Variants in SLC1A1 observed in about 807,000 individuals in gnomAD.
The protein encoded by SLC1A1 is solute carrier family 1 member 1.
In SLC1A1, 43 loss-of-function variants were observed where a neutral mutation model predicts 53.3. The observed-to-expected ratio is 0.81, with a 90% confidence interval of 0.63 to 1.04. The LOEUF (loss-of-function observed/expected upper bound fraction) is 1.04, where lower values mean the gene tolerates loss of function less well. SLC1A1 is among the 50% of genes least tolerant of loss of function. The pLI, the probability that SLC1A1 is intolerant of heterozygous loss-of-function variation, is 0.00. For missense variants in SLC1A1, 748 were observed against 664.9 expected (o/e 1.12, Z -1.37); for synonymous variants, 307 against 243.2 (o/e 1.26, Z -2.44).
At chr9:4,567,865 A>G (rs1819636152) in intron 6 of SLC1A1, 98 bp downstream of exon 6, 1 of 841,180 alleles carries the variant, frequency 1.2e-6, no homozygotes, top group Non-Finnish European at 2.0e-6. Flanking sequence ...ACAGAATCGC[A>G]TTTGCAAATT....
rs1311812459 is a variant in SLC1A1, at chr9:4,576,037, A to G, written c.912A>G (p.Ile304Met). The G allele has an allele frequency of 1.9e-6, 3 of 1,613,808 alleles. No homozygotes were observed. The highest frequency in any genetic ancestry group is 1.3e-5 in the African/African-American group (1 of 74,926). The change falls in exon 9 of 12, where the codon ATA (isoleucine) becomes ATG (methionine). Residue 304 changes from isoleucine (I) to methionine (M), a missense_variant. Transcript: ENST00000262352. ...AIHSIVILPL[I>M]YFIVVRKNPF... Reference sequence around the variant, plus strand: ...ACTCCATTGTAATTCTCCCGCTGATATATTTCATAGTCGTACGAAAGAACC... The same window carrying G: ...ACTCCATTGTAATTCTCCCGCTGATGTATTTCATAGTCGTACGAAAGAACC...
At chr9:4,562,988 G>A (rs1004674521) in intron 3 of SLC1A1, among the ~76,000 whole-genome samples, 1 of 149,580 alleles carries the variant, frequency 6.7e-6, no homozygotes, top group African/African-American at 2.5e-5. Context: ...GGAGGGGAGA[G>A]GGATAGCATT....
intron 1 of SLC1A1, among the ~76,000 whole-genome samples, chr9:4,502,775 T>C (rs926057861): frequency 2.0e-5 from 3 of 151,834 alleles, no homozygotes; most frequent in Non-Finnish European, 4.4e-5. Context: ...GTTAGAACCA[T>C]ACTTGGAGAC....
At chr9:4,554,094 C>G (rs573428517) in intron 2 of SLC1A1, 2 of 152,318 alleles carry the variant, frequency 1.3e-5, no homozygotes, top group Admixed American at 6.5e-5. Context: ...TAGGTGGGAC[C>G]TTAACTCCAT....
At position 4,561,601 on chromosome 9, in the gene SLC1A1, G is replaced by C. The variant is rs1586797807; in HGVS notation, c.325+60G>C. 2.9e-6 allele frequency: 3 copies of C among 1,050,382 alleles called. No homozygotes were observed. In the East Asian group the frequency reaches 7.1e-5, roughly 25 times the overall value. 65.1% of individuals were successfully genotyped at this position (1,050,382 alleles called of 1,614,324 possible). On this transcript the variant is annotated intron_variant, in intron 3 of 11. Transcript: ENST00000262352. ...TAATGGTGATTTTTTCATTCGAAAA[G>C]TAGTTGGTGGCCAGATGCGGTGGCT...
intron 2 of SLC1A1, among the ~76,000 whole-genome samples, chr9:4,546,447 C>T (rs957773115): frequency 2.0e-5 from 3 of 151,870 alleles, no homozygotes; most frequent in African/African-American, 7.3e-5. Context: ...AAATGAAGAT[C>T]TGGGAACACT....
chr9:4,554,615 TC>T (rs1206865716), intron 2 of SLC1A1, among the ~76,000 whole-genome samples: 1 of 152,084 alleles, frequency 6.6e-6, no homozygotes, highest in East Asian at 1.9e-4. Context: ...CTTGGTCTGT[TC>T]CAGAAGAGGC....
chr9:4,523,772 T>A (rs1816165488), intron 1 of SLC1A1, among the ~76,000 whole-genome samples: 1 of 152,232 alleles, frequency 6.6e-6, no homozygotes. Flanking sequence ...GTACTTTACA[T>A]ATAGTCTCAT....
intron 2 of SLC1A1, 59 bp from the exon 3 acceptor site, chr9:4,561,390 C>G (rs532473324): frequency 2.0e-6 from 2 of 1,006,456 alleles, no homozygotes; most frequent in Admixed American, 1.7e-5. Context: ...GATTAAATCG[C>G]GGGTCCTGGA....
chr9:4,536,901 T>G (rs10974606), intron 1 of SLC1A1, among the ~76,000 whole-genome samples: 44,685 of 150,774 alleles, frequency 0.3, 6,961 homozygotes, highest in African/African-American at 0.38. Context: ...TAGGGACATG[T>G]ATGAAGCTGG....
chr9:4,504,580 G>C (rs539369479), intron 1 of SLC1A1, among the ~76,000 whole-genome samples: 20 of 152,302 alleles, frequency 1.3e-4, no homozygotes, highest in Non-Finnish European at 2.2e-4. Context: ...TTTCTTTCTT[G>C]CATGTGGAGA....
Position 4,586,473 on chromosome 9 carries a change from T to C in SLC1A1, c.*915T>C, listed in dbSNP as rs1022900377. The C allele has an allele frequency of 5.3e-5, 8 of 152,198 alleles. No homozygotes were observed. Among genetic ancestry groups the C allele is most frequent in the Non-Finnish European group, 8.8e-5 (6 of 68,040 alleles). The allele number at this position is 152,198 out of a possible 1,614,324, so 9.4% of individuals were successfully genotyped here. ...ATTATGGTGATACTCCAAGGTGGCA[T>C]AGCCATTCATTTACAACTTCCAGAT... On this transcript the variant is annotated 3_prime_UTR_variant, in exon 12 of 12. Transcript: ENST00000262352.
At chr9:4,510,402 G>T (rs988785253) in intron 1 of SLC1A1, among the ~76,000 whole-genome samples, 2 of 152,124 alleles carry the variant, frequency 1.3e-5, no homozygotes, top group East Asian at 3.8e-4. Flanking sequence ...CTATAATTTA[G>T]GACTCTTCTA....
chr9:4,496,296 G>A (rs559962229), intron 1 of SLC1A1, among the ~76,000 whole-genome samples: 58 of 152,292 alleles, frequency 3.8e-4, no homozygotes, highest in African/African-American at 1.3e-3. Flanking sequence ...CAAAGGACAG[G>A]GATGTGACCT....
rs181277121 is a variant in SLC1A1, at chr9:4,586,103, A to G, written c.*545A>G. 8.7e-5 allele frequency: 15 copies of G among 172,264 alleles called. No individual in the cohort carries two copies. Among genetic ancestry groups the G allele is most frequent in the African/African-American group, 3.4e-4 (14 of 41,624 alleles). 10.7% of individuals were successfully genotyped at this position (172,264 alleles called of 1,614,324 possible). On this transcript the variant is annotated 3_prime_UTR_variant, in exon 12 of 12. Coordinates refer to ENST00000262352, the MANE Select transcript of SLC1A1 (RefSeq NM_004170.6). ...AGAAAACAGACCAGCATAGTTCTGC[A>G]ATAACAGTTTTAAGATGGGCATAGG...
At chr9:4,494,810 G>A (rs1018645426) in intron 1 of SLC1A1, among the ~76,000 whole-genome samples, 2 of 151,958 alleles carry the variant, frequency 1.3e-5, no homozygotes, top group Non-Finnish European at 2.9e-5. Context: ...ATGTTGTTAA[G>A]GCACTTCTTA....
chr9:4,575,629 G>T (rs1039728355), intron 8 of SLC1A1, among the ~76,000 whole-genome samples: 2 of 152,174 alleles, frequency 1.3e-5, no homozygotes, highest in Non-Finnish European at 2.9e-5. Context: ...GGAGGAAGGG[G>T]GATGCCTATC....
In SLC1A1 at chr9:4,544,657, G is replaced by A. The variant is rs200990092; in HGVS notation, c.182G>A (p.Arg61Gln). 5.1e-5 allele frequency: 83 copies of A among 1,613,372 alleles called. No individual in the cohort carries two copies. Among genetic ancestry groups the A allele is most frequent in the African/African-American group, 1.6e-4 (12 of 74,888 alleles). The change falls in exon 2 of 12, where the codon CGG becomes CAG. Residue 61 changes from arginine (R) to glutamine (Q), a missense_variant. Coordinates refer to ENST00000262352, the MANE Select transcript of SLC1A1 (RefSeq NM_004170.6). ...YFAFPGEILM[R>Q]MLKLIILPLI... Reference sequence around the variant, plus strand: ...GCTTTTCCTGGAGAAATTCTAATGCGGATGCTGAAACTCATCATTTTGCCA... The same window carrying A: ...GCTTTTCCTGGAGAAATTCTAATGCAGATGCTGAAACTCATCATTTTGCCA...
intron 1 of SLC1A1, among the ~76,000 whole-genome samples, chr9:4,518,986 T>C (rs1815964905): frequency 6.6e-6 from 1 of 152,224 alleles, no homozygotes; most frequent in South Asian, 2.1e-4. Context: ...TGTCTAATTG[T>C]GTCATGTTTT....
Sources: allele counts gnomAD v4.1 joint callset (sites outside exome capture counted in the v4.1 genomes callset), GRCh38; gene constraint gnomAD v4.1.1; transcripts MANE v1.5; gene names NCBI Gene and HGNC (gene_info 2026-07-23, HGNC 2026-07-21).